Variants in SOBP observed in about 807,000 individuals in gnomAD.
SOBP encodes the protein sine oculis binding protein homolog, also known as sine oculis-binding protein homolog.
SOBP carries 4 observed loss-of-function variants against 53.6 expected under a neutral mutation model. That is an observed-to-expected ratio of 0.07 (90% CI 0.04 to 0.17). The LOEUF (loss-of-function observed/expected upper bound fraction) is 0.17. Ranked by LOEUF, SOBP falls within the 10% of genes least tolerant of loss-of-function variation. The pLI is 1.00. For synonymous variants in SOBP, 584 were observed against 522.6 expected (o/e 1.12, Z -1.60); for missense variants, 1,088 against 1,204.7 (o/e 0.90, Z 1.43).
At chr6:107,610,683 C>G (rs565040305) in intron 5 of SOBP, among the ~76,000 whole-genome samples, 3 of 152,334 alleles carry the variant, frequency 2.0e-5, no homozygotes, top group African/African-American at 7.2e-5. Context: ...GATTGTTTGG[C>G]TGGTTCTGAA....
chr6:107,594,247 G>T (rs2115070746), intron 5 of SOBP, among the ~76,000 whole-genome samples: 1 of 152,246 alleles, frequency 6.6e-6, no homozygotes, highest in Non-Finnish European at 1.5e-5. Context: ...TGCCTGTAAG[G>T]TGTTTAGAAC....
chr6:107,657,595 G>A (rs1772120584), intron 6 of SOBP, among the ~76,000 whole-genome samples: 1 of 152,204 alleles, frequency 6.6e-6, no homozygotes, highest in Non-Finnish European at 1.5e-5. Flanking sequence ...TACCAGAGCT[G>A]AGACATGGGG....
rs1471915415 is a variant in SOBP at position 107,634,627 on chromosome 6, G to C, written c.1783G>C (p.Ala595Pro). 1 of 1,587,508 alleles carries C rather than the reference G, an allele frequency of 6.3e-7. No individual in the cohort carries two copies. Among genetic ancestry groups the C allele is most frequent in the Non-Finnish European group, 8.5e-7 (1 of 1,173,222 alleles). Residue 595 changes from alanine to proline, a missense_variant, in exon 6 of 7, where the codon GCG (alanine) becomes CCG (proline). Coordinates refer to ENST00000317357, the MANE Select transcript of SOBP (RefSeq NM_018013.4). This position sits in a 1 kb window ranked among gnomAD's most constrained non-coding sequence, Gnocchi z 4.5. ...CTCCAAGCAGGGCTCGTCCAAGTCC[G>C]CGGACTCGCCCCCCGGCTGCTCGGG... ...RDSKQGSSKS[A>P]DSPPGCSGQA...
intron 3 of SOBP, chr6:107,514,305 T>C (rs936557390): frequency 2.0e-5 from 3 of 152,132 alleles, no homozygotes; most frequent in Non-Finnish European, 4.4e-5. Context: ...GCAATTAAAG[T>C]GGAGTAGCAA....
At chr6:107,618,713 C>T (rs1786895212) in intron 5 of SOBP, among the ~76,000 whole-genome samples, 1 of 152,198 alleles carries the variant, frequency 6.6e-6, no homozygotes, top group South Asian at 2.1e-4. Flanking sequence ...TCAGTTGTGG[C>T]CCCTTTCTCA....
rs2114926476 is a variant in SOBP at position 107,490,432 on chromosome 6, G to T, written c.-185G>T. ...GTGACAGCCACTGACGTCCTCCGCC[G>T]CTAGAAGAGACCCCGCTTCTCGGCG... On this transcript the variant is annotated 5_prime_UTR_variant, in exon 1 of 7. Transcript: ENST00000317357. The T allele has an allele frequency of 5.6e-6, 3 of 540,038 alleles. No homozygotes were observed. In the South Asian group the frequency reaches 5.8e-5, roughly 10 times the overall value. 33.5% of individuals were successfully genotyped at this position (540,038 alleles called of 1,614,324 possible).
chr6:107,524,182 G>A (rs980008369), intron 3 of SOBP, among the ~76,000 whole-genome samples: 3 of 152,208 alleles, frequency 2.0e-5, no homozygotes, highest in African/African-American at 7.2e-5. Flanking sequence ...TGAAGATGGT[G>A]CCCCTCTAGG....
intron 3 of SOBP, among the ~76,000 whole-genome samples, chr6:107,520,905 G>T (rs1783466045): frequency 6.6e-6 from 1 of 152,086 alleles, no homozygotes; most frequent in African/African-American, 2.4e-5. Flanking sequence ...CACAAGAGGT[G>T]TCCCATACAC....
At position 107,503,662 on chromosome 6, in the gene SOBP, T is replaced by C. The variant is rs1192538764; in HGVS notation, c.102T>C (p.Phe34=). ...KREINEEMKN[F]AENTMNELLG... is the part of the protein sequence containing the mutation. ...AGCCTATGCTTCTCTTTCAGAACTT[T>C]GCAGAAAACACCATGAATGAACTCC... Residue 34 remains phenylalanine (F), a synonymous_variant, in exon 2 of 7, where the codon TTT becomes TTC. Transcript: ENST00000317357. 2 of 1,614,046 alleles carry C rather than the reference T, an allele frequency of 1.2e-6. No homozygotes were observed. Among genetic ancestry groups the C allele is most frequent in the East Asian group, 2.2e-5 (1 of 44,888 alleles).
At position 107,510,699 on chromosome 6, in the gene SOBP, G is replaced by C. The variant is rs907057135; in HGVS notation, c.421+4272G>C. ...TTGCTAAAACTTTTACCAGAGTTGT[G>C]ATTCAAGGTAATTGGGTTGAGATAT... On this transcript the variant is annotated intron_variant, in intron 3 of 6. Transcript: ENST00000317357. 10 of 152,194 alleles carry C rather than the reference G, an allele frequency of 6.6e-5. No homozygotes were observed. In the South Asian group the frequency reaches 2.1e-3, roughly 31 times the overall value. The allele number at this position is 152,194 out of a possible 1,614,324, so 9.4% of individuals were successfully genotyped here. A position where few individuals can be genotyped will look rare whatever the true frequency, so the allele number is the denominator to read the frequency against.
intron 5 of SOBP, among the ~76,000 whole-genome samples, chr6:107,604,661 C>A (rs1039999858): frequency 3.3e-5 from 5 of 152,278 alleles, no homozygotes; most frequent in Non-Finnish European, 5.9e-5. Flanking sequence ...AGGGGACAGG[C>A]GGGCTCTCTG....
chr6:107,546,210 G>A (rs770858599), intron 4 of SOBP, among the ~76,000 whole-genome samples: 2 of 152,160 alleles, frequency 1.3e-5, no homozygotes, highest in African/African-American at 2.4e-5. Context: ...AAGGACCTTA[G>A]GAAGCAGTGT....
intron 5 of SOBP, among the ~76,000 whole-genome samples, chr6:107,603,813 T>TC (rs1369843901): frequency 1.3e-5 from 2 of 152,050 alleles, no homozygotes; most frequent in Non-Finnish European, 2.9e-5. Flanking sequence ...GACCTAGAGT[T>TC]CCCCAAATCC....
chr6:107,600,786 T>C (rs565873471), intron 5 of SOBP, among the ~76,000 whole-genome samples: 1 of 152,316 alleles, frequency 6.6e-6, no homozygotes, highest in South Asian at 2.1e-4. Context: ...TACCACAGAA[T>C]CCACATCATC....
intron 4 of SOBP, among the ~76,000 whole-genome samples, chr6:107,583,483 A>G (rs1785467671): frequency 6.6e-6 from 1 of 152,242 alleles, no homozygotes; most frequent in African/African-American, 2.4e-5. Flanking sequence ...CAAACAAATA[A>G]TGATAATTTT....
chr6:107,655,680 A>G (rs1485385571), intron 6 of SOBP, among the ~76,000 whole-genome samples: 1 of 152,160 alleles, frequency 6.6e-6, no homozygotes, highest in Non-Finnish European at 1.5e-5. Flanking sequence ...GAGAATAATA[A>G]TGATTATTAT....
At chr6:107,633,471 T>A (rs370969962) in intron 5 of SOBP, 43 bp from the exon 6 acceptor site, 3 of 1,612,454 alleles carry the variant, frequency 1.9e-6, no homozygotes, top group Non-Finnish European at 2.5e-6. Context: ...CCCAGGTAAA[T>A]TGCTTGTCTT....
intron 5 of SOBP, among the ~76,000 whole-genome samples, chr6:107,593,143 T>C (rs1279272414): frequency 6.6e-6 from 1 of 152,206 alleles, no homozygotes; most frequent in Non-Finnish European, 1.5e-5. Context: ...CCTTTCACTT[T>C]TCCTATATAA....
At chr6:107,521,480 A>G (rs1036353000) in intron 3 of SOBP, among the ~76,000 whole-genome samples, 12 of 152,182 alleles carry the variant, frequency 7.9e-5, no homozygotes, top group Non-Finnish European at 1.3e-4. Context: ...CTTAGAAACT[A>G]TGGAAATCCA....
Sources: gnomAD v4.1 joint callset for allele counts (sites outside exome capture counted in the v4.1 genomes callset) on GRCh38, gnomAD v4.1.1 for gene constraint, Gnocchi (gnomAD v3.1) non-coding constraint, MANE v1.5 for transcripts, NCBI Gene and HGNC (gene_info 2026-07-23, HGNC 2026-07-21) for gene names.